Variants in JAM3 observed in about 807,000 individuals in gnomAD.
JAM3 encodes the protein junctional adhesion molecule C.
In JAM3, 31 loss-of-function variants were observed where a neutral mutation model predicts 39.4. The ratio of observed to expected loss-of-function variants is 0.79; its 90% CI spans 0.59 to 1.06. JAM3 has a LOEUF of 1.06. JAM3 is among the 50% of genes least tolerant of loss of function. The pLI, the probability that JAM3 is intolerant of heterozygous loss-of-function variation, is 0.00. For missense variants in JAM3, 455 were observed against 391.4 expected (o/e 1.16, Z -1.37); for synonymous variants, 182 against 148.7 (o/e 1.22, Z -1.63).
rs530844250 is a variant in JAM3 at position 134,135,577 on chromosome 11, G to A, written c.77-4274G>A. On this transcript the variant is annotated intron_variant, in intron 1 of 8. Coordinates refer to ENST00000299106, the MANE Select transcript of JAM3 (RefSeq NM_032801.5). Reference sequence around the variant, plus strand: ...TTTTGAGATGGAGTCTCACTCTGTCGCCCAAGCTGGAGTGCAGTGGCCTGA... The same window carrying A: ...TTTTGAGATGGAGTCTCACTCTGTCACCCAAGCTGGAGTGCAGTGGCCTGA... Among the ~76,000 whole-genome samples, 23 of 147,376 alleles carry A rather than the reference G, an allele frequency of 1.6e-4. 1 individual carries two copies. Among genetic ancestry groups the A allele is most frequent in the Admixed American group, 3.4e-4 (5 of 14,738 alleles).
intron 1 of JAM3, among the ~76,000 whole-genome samples, chr11:134,129,832 T>C (rs1413859904): frequency 6.6e-6 from 1 of 152,040 alleles, no homozygotes; most frequent in Non-Finnish European, 1.5e-5. Context: ...TGAAACCCCA[T>C]CTCTACTAAA....
intron 1 of JAM3, among the ~76,000 whole-genome samples, chr11:134,081,963 G>A (rs540446420): frequency 1.2e-4 from 19 of 152,362 alleles, no homozygotes; most frequent in African/African-American, 4.6e-4. Flanking sequence ...CTGGATATGA[G>A]ACTTGGAGTC....
At chr11:134,123,547 T>A (rs1235590563) in intron 1 of JAM3, among the ~76,000 whole-genome samples, 5 of 152,254 alleles carry the variant, frequency 3.3e-5, no homozygotes, top group African/African-American at 4.8e-5. Flanking sequence ...TTCAAAATAA[T>A]TCAATCCTGG....
Position 134,144,995 on chromosome 11 carries a change from G to A in JAM3, c.612+1G>A. On this transcript the variant is annotated splice_donor_variant, in intron 5 of 8. Transcript: ENST00000299106. LOFTEE classifies it high-confidence loss of function. ...CTTAAACTCTGAAACAGGCACTTTG[G>A]TAAGATCTCTTCTAAGAGGTGAGGA... is the stretch of plus-strand genomic sequence containing the variant. The A allele has an allele frequency of 1.2e-6, 2 of 1,609,436 alleles. No individual in the cohort carries two copies. Among genetic ancestry groups the A allele is most frequent in the South Asian group, 2.2e-5 (2 of 90,996 alleles).
intron 1 of JAM3, among the ~76,000 whole-genome samples, chr11:134,084,853 T>C (rs1378820094): frequency 1.3e-5 from 2 of 152,218 alleles, no homozygotes; most frequent in Non-Finnish European, 2.9e-5. Context: ...TCCACTCTTC[T>C]TCCCTCTGTC....
At position 134,106,905 on chromosome 11, in the gene JAM3, G is replaced by A. The variant is rs576560590; in HGVS notation, c.77-32946G>A. 9.0e-3 allele frequency among the ~76,000 whole-genome samples: 1,370 copies of A among 152,222 alleles called. 19 individuals are homozygous for A. Among genetic ancestry groups the A allele is most frequent in the African/African-American group, 0.031 (1,275 of 41,526 alleles). ...GGTGGGACTGTAAACTAGTTCAACC[G>A]TTGTGGAAGACAGTGTGGCGATTCC... On this transcript the variant is annotated intron_variant, in intron 1 of 8. Transcript: ENST00000299106.
chr11:134,107,204 C>T (rs941179549), intron 1 of JAM3, among the ~76,000 whole-genome samples: 10 of 152,064 alleles, frequency 6.6e-5, no homozygotes, highest in African/African-American at 2.4e-4. Flanking sequence ...AAGCTGGAAA[C>T]CATCATTCTC....
At chr11:134,115,129 G>A (rs538818031) in intron 1 of JAM3, among the ~76,000 whole-genome samples, 3 of 152,170 alleles carry the variant, frequency 2.0e-5, no homozygotes, top group South Asian at 4.1e-4. Context: ...TTATCATTAT[G>A]AACTAACCTT....
Position 134,149,902 on chromosome 11 carries a change from T to C in JAM3, c.*721T>C. On this transcript the variant is annotated 3_prime_UTR_variant, in exon 9 of 9. Coordinates refer to ENST00000299106, the MANE Select transcript of JAM3 (RefSeq NM_032801.5). ...GTACTGAAATATGCTTTTCTATGGGTCTTGTTTATTTTATAAAATTTTACA... is the reference window on the plus strand; with the variant it reads ...GTACTGAAATATGCTTTTCTATGGGCCTTGTTTATTTTATAAAATTTTACA... The C allele has an allele frequency of 5.4e-6, 1 of 184,948 alleles. No homozygotes were observed. The highest frequency in any genetic ancestry group is 1.1e-5 in the Non-Finnish European group (1 of 87,232). 11.5% of individuals were successfully genotyped at this position (184,948 alleles called of 1,614,324 possible).
chr11:134,130,248 A>T (rs763334819), intron 1 of JAM3, among the ~76,000 whole-genome samples: 9 of 152,206 alleles, frequency 5.9e-5, no homozygotes, highest in Non-Finnish European at 1.0e-4. Context: ...CCGTTATCAA[A>T]GAAACATTGA....
At chr11:134,095,152 C>A (rs892208704) in intron 1 of JAM3, among the ~76,000 whole-genome samples, 1 of 151,980 alleles carries the variant, frequency 6.6e-6, no homozygotes, top group Admixed American at 6.6e-5. Context: ...CAGAAAAGTT[C>A]GAAGAGAGAA....
intron 1 of JAM3, among the ~76,000 whole-genome samples, chr11:134,090,332 A>G (rs958804581): frequency 3.3e-5 from 5 of 152,070 alleles, no homozygotes; most frequent in South Asian, 2.1e-4. Flanking sequence ...TGTCAATTTT[A>G]GCTTTTGTTG....
intron 1 of JAM3, among the ~76,000 whole-genome samples, chr11:134,117,916 G>A (rs1239056519): frequency 6.6e-6 from 1 of 152,196 alleles, no homozygotes; most frequent in Non-Finnish European, 1.5e-5. Context: ...ATACTGGATG[G>A]GGGTTAATGC....
chr11:134,131,875 C>T (rs1007150919), intron 1 of JAM3, among the ~76,000 whole-genome samples: 2 of 151,710 alleles, frequency 1.3e-5, no homozygotes, highest in East Asian at 1.9e-4. Flanking sequence ...GAAGTTAGGA[C>T]GATTAATTAT....
At chr11:134,114,778 TG>T (rs1942389432) in intron 1 of JAM3, among the ~76,000 whole-genome samples, 1 of 152,232 alleles carries the variant, frequency 6.6e-6, no homozygotes. Context: ...TGGTCTACCT[TG>T]GTAAATGTCC....
intron 1 of JAM3, among the ~76,000 whole-genome samples, chr11:134,095,962 GT>G (rs1353196882): frequency 1.3e-5 from 2 of 152,124 alleles, no homozygotes; most frequent in Non-Finnish European, 2.9e-5. Context: ...CATGATGTCA[GT>G]TGCCATGCAT....
chr11:134,077,553 A>G (rs1256585033), intron 1 of JAM3, among the ~76,000 whole-genome samples: 2 of 150,258 alleles, frequency 1.3e-5, no homozygotes, highest in Non-Finnish European at 3.0e-5. Flanking sequence ...TAGTAGAGAC[A>G]GGGTTTCTCC....
chr11:134,134,292 G>A (rs74724065), intron 1 of JAM3, among the ~76,000 whole-genome samples: 23,047 of 144,580 alleles, frequency 0.16, 1,904 homozygotes, highest in African/African-American at 0.23. Context: ...CAGAAGATGA[G>A]AACAAAAATA....
intron 1 of JAM3, among the ~76,000 whole-genome samples, chr11:134,136,122 G>C (rs1407198223): frequency 5.2e-5 from 6 of 116,388 alleles, no homozygotes; most frequent in African/African-American, 2.5e-4. Flanking sequence ...GAGCTTAAGA[G>C]TATGATGGAC....
Sources: gnomAD v4.1 joint callset for allele counts (sites outside exome capture counted in the v4.1 genomes callset) on GRCh38, gnomAD v4.1.1 for gene constraint, MANE v1.5 for transcripts, NCBI Gene and HGNC (gene_info 2026-07-23, HGNC 2026-07-21) for gene names.